CMC2: variants seen among roughly 807,000 people sequenced by gnomAD.
CMC2 encodes the protein C-X9-C motif containing 2, also known as COX assembly mitochondrial protein 2 homolog.
A neutral mutation model predicts 7.5 loss-of-function variants in CMC2; 5 were observed. That is an observed-to-expected ratio of 0.66 (90% CI 0.35 to 1.40). The LOEUF is 1.40. Among genes scored for constraint, CMC2 ranks in the 40% most tolerant of loss-of-function variants. CMC2 has a pLI of 0.04. For missense variants in CMC2, 115 were observed against 92.3 expected (o/e 1.25, Z -1.01); for synonymous variants, 37 against 31.4 (o/e 1.18, Z -0.60).
intron 2 of CMC2, among the ~76,000 whole-genome samples, chr16:80,990,676 C>G (rs1357570836): frequency 6.6e-6 from 1 of 152,086 alleles, no homozygotes; most frequent in South Asian, 2.1e-4. Flanking sequence ...GACTTCTTCA[C>G]GAAATATATC....
chr16:80,979,866 C>T (rs1348027355), intron 3 of CMC2, among the ~76,000 whole-genome samples: 2 of 152,122 alleles, frequency 1.3e-5, no homozygotes, highest in Non-Finnish European at 2.9e-5. Flanking sequence ...AGGTGATCCG[C>T]CTGTCTTGGC....
chr16:80,971,752 A>G lies in CMC2; in HGVS notation c.*4341T>C, dbSNP rs1055663731. 1.3e-5 allele frequency: 2 copies of G among 151,818 alleles called. No homozygotes were observed. Among genetic ancestry groups the G allele is most frequent in the African/African-American group, 4.8e-5 (2 of 41,256 alleles). The allele number at this position is 151,818 out of a possible 1,614,324, so 9.4% of individuals were successfully genotyped here. ...TGTATTATTATTTTTTTAAACCTGT[A>G]TTTTTTAAAAGTATGACTTAGATAG... On this transcript the variant is annotated 3_prime_UTR_variant, in exon 4 of 4. Transcript: ENST00000219400.
At chr16:80,996,589 A>C (rs1209099345) in intron 2 of CMC2, among the ~76,000 whole-genome samples, 1 of 152,214 alleles carries the variant, frequency 6.6e-6, no homozygotes, top group East Asian at 1.9e-4. Context: ...CTTTTGGTCT[A>C]TAAATTTTAC....
At chr16:80,981,334 T>C (rs1967096640) in intron 3 of CMC2, among the ~76,000 whole-genome samples, 1 of 152,162 alleles carries the variant, frequency 6.6e-6, no homozygotes, top group Non-Finnish European at 1.5e-5. Context: ...ATGACAGTGT[T>C]CCAAAACAAG....
intron 2 of CMC2, among the ~76,000 whole-genome samples, chr16:80,990,166 A>G (rs758618241): frequency 1.3e-5 from 2 of 151,128 alleles, no homozygotes; most frequent in South Asian, 2.1e-4. Flanking sequence ...TACAAAACAT[A>G]TAATTTTTTT....
At chr16:80,978,852 C>A (rs970197209) in intron 3 of CMC2, among the ~76,000 whole-genome samples, 2 of 152,086 alleles carry the variant, frequency 1.3e-5, no homozygotes, top group South Asian at 4.1e-4. Context: ...GAGGCCAAGG[C>A]GGGCGGATAA....
At chr16:81,005,104 A>T (rs2094989041) in intron 1 of CMC2, among the ~76,000 whole-genome samples, 1 of 152,266 alleles carries the variant, frequency 6.6e-6, no homozygotes, top group Admixed American at 6.5e-5. Flanking sequence ...TTCTCCAGAA[A>T]AAAAAACTGT....
chr16:81,002,429 A>G (rs1339651551), intron 1 of CMC2, among the ~76,000 whole-genome samples: 3 of 152,190 alleles, frequency 2.0e-5, no homozygotes, highest in Non-Finnish European at 4.4e-5. Context: ...CATCTCAAAA[A>G]CAACAATAAC....
At chr16:81,001,430 G>A (rs547147568) in intron 1 of CMC2, 1 of 152,238 alleles carries the variant, frequency 6.6e-6, no homozygotes, top group South Asian at 2.1e-4. Context: ...TCAAAGAGAC[G>A]GAAAGTGGAA....
At position 80,968,230 on chromosome 16, in the gene CMC2, CTTTTT is replaced by C. The variant is rs35095715; in HGVS notation, c.*7858_*7862del. 2 of 151,786 alleles carry C rather than the reference CTTTTT, an allele frequency of 1.3e-5. No individual in the cohort carries two copies. Among genetic ancestry groups the C allele is most frequent in the Non-Finnish European group, 1.5e-5 (1 of 67,980 alleles). 9.4% of individuals were successfully genotyped at this position (151,786 alleles called of 1,614,324 possible). A position where few individuals can be genotyped will look rare whatever the true frequency, so the allele number is the denominator to read the frequency against. ...GGGTGGGGTCTAAAACTCTCCATTT[CTTTTT>C]TTTATTTTTATTTTTGTAGAGACAG... On this transcript the variant is annotated 3_prime_UTR_variant, in exon 4 of 4. Coordinates refer to ENST00000219400, the MANE Select transcript of CMC2 (RefSeq NM_020188.5).
intron 1 of CMC2, among the ~76,000 whole-genome samples, chr16:81,002,468 A>C (rs1307011767): frequency 6.6e-6 from 1 of 152,204 alleles, no homozygotes; most frequent in Non-Finnish European, 1.5e-5. Context: ...TAATCACTAG[A>C]AAATGTCTCT....
In CMC2 at chr16:80,973,279, T is replaced by TG. The variant is rs1473591864; in HGVS notation, c.*2813dup. 6.6e-6 allele frequency: 1 copy of TG among 152,124 alleles called. No homozygotes were observed. Among genetic ancestry groups the TG allele is most frequent in the African/African-American group, 2.4e-5 (1 of 41,438 alleles). The allele number at this position is 152,124 out of a possible 1,614,324, so 9.4% of individuals were successfully genotyped here. A position where few individuals can be genotyped will look rare whatever the true frequency, so the allele number is the denominator to read the frequency against. On this transcript the variant is annotated 3_prime_UTR_variant, in exon 4 of 4. Transcript: ENST00000219400. ...TTAAGCCCCTCACCCCTTTACCCCC[T>TG]GCCCCATCAGCTGGGGCCCCACTCA...
intron 2 of CMC2, among the ~76,000 whole-genome samples, chr16:80,995,725 A>G (rs1050105070): frequency 1.3e-5 from 2 of 152,198 alleles, no homozygotes; most frequent in African/African-American, 4.8e-5. Flanking sequence ...ATTCATCTAT[A>G]TCAACAAAAA....
intron 2 of CMC2, chr16:80,983,851 T>G (rs1013403959): frequency 3.3e-5 from 5 of 152,272 alleles, no homozygotes; most frequent in African/African-American, 1.2e-4. Context: ...CATGGTGGCA[T>G]ATGCCTGTAA....
chr16:80,972,533 G>A lies in CMC2; in HGVS notation c.*3560C>T, dbSNP rs970805413. 3.3e-5 allele frequency: 5 copies of A among 152,154 alleles called. No homozygotes were observed. The highest frequency in any genetic ancestry group is 9.7e-5 in the African/African-American group (4 of 41,436). The allele number at this position is 152,154 out of a possible 1,614,324, so 9.4% of individuals were successfully genotyped here. ...ATCTTAAACTTCATTTATAAAAGGT[G>A]AGAAACAGCTCAACTTTCTAGCCTC... On this transcript the variant is annotated 3_prime_UTR_variant, in exon 4 of 4. Transcript: ENST00000219400.
At chr16:80,988,940 G>C (rs116870981) in intron 2 of CMC2, among the ~76,000 whole-genome samples, 1 of 151,978 alleles carries the variant, frequency 6.6e-6, no homozygotes, top group African/African-American at 2.4e-5. Flanking sequence ...GCTCCCCCAC[G>C]TGGGTTTGTC....
At chr16:80,978,471 A>C (rs1966868845) in intron 3 of CMC2, 4 of 921,672 alleles carry the variant, frequency 4.3e-6, no homozygotes, top group Non-Finnish European at 6.0e-6. Context: ...ACTCAATCAA[A>C]CAATACAGAC....
At chr16:80,994,249 C>T (rs981184876) in intron 2 of CMC2, among the ~76,000 whole-genome samples, 5 of 152,082 alleles carry the variant, frequency 3.3e-5, no homozygotes, top group South Asian at 4.1e-4. Flanking sequence ...ATGAAATTAA[C>T]TTGAAACGAA....
intron 2 of CMC2, 163 bp downstream of exon 2, chr16:80,997,151 A>T (rs1440595074): frequency 8.2e-6 from 5 of 609,456 alleles, no homozygotes; most frequent in Non-Finnish European, 1.2e-5. Context: ...AGTTTGTGTA[A>T]AAAAAAGAAA....
Sources: gnomAD v4.1 joint callset for allele counts (sites outside exome capture counted in the v4.1 genomes callset) on GRCh38, gnomAD v4.1.1 for gene constraint, MANE v1.5 for transcripts, NCBI Gene and HGNC (gene_info 2026-07-23, HGNC 2026-07-21) for gene names.